TRAF3: variants seen among roughly 807,000 people sequenced by gnomAD.
The protein encoded by TRAF3 is TNF receptor associated factor 3.
TRAF3 carries 13 observed loss-of-function variants against 62.3 expected under a neutral mutation model. The ratio of observed to expected loss-of-function variants is 0.21; its 90% CI spans 0.14 to 0.33. TRAF3 has a LOEUF of 0.33. Ranked by LOEUF, TRAF3 falls within the 10% of genes least tolerant of loss-of-function variation. The pLI, the probability that TRAF3 is intolerant of heterozygous loss-of-function variation, is 1.00. For missense variants in TRAF3, 440 were observed against 741.8 expected, an observed-to-expected ratio of 0.59 and a Z score of 4.73; for synonymous variants, 269 against 283.4, an observed-to-expected ratio of 0.95 and a Z score of 0.51.
At position 102,826,968 on chromosome 14, in the gene TRAF3, G is replaced by T. The variant is rs1186605956; in HGVS notation, c.-156-3366G>T. ...GTCCCAGACATAGGCTCTGTCAGTG[G>T]TGGTGGCGGTGGCTGTACCTGCTCC... On this transcript the variant is annotated intron_variant, in intron 1 of 11. Coordinates refer to ENST00000392745, the MANE Select transcript of TRAF3 (RefSeq NM_145725.3). The surrounding 1 kb of genome is among the most constrained non-coding windows in gnomAD (Gnocchi z 4.6). Among the ~76,000 whole-genome samples the T allele has an allele frequency of 1.3e-5, 2 of 152,186 alleles. No individual in the cohort carries two copies. The highest frequency in any genetic ancestry group is 2.9e-5 in the Non-Finnish European group (2 of 68,028).
At chr14:102,882,411 T>C (rs1889120344) in intron 6 of TRAF3, among the ~76,000 whole-genome samples, 1 of 152,118 alleles carries the variant, frequency 6.6e-6, no homozygotes, top group Admixed American at 6.5e-5. Flanking sequence ...GCACGCGTGT[T>C]TGGGGTCCTG....
chr14:102,863,403 G>A (rs1887792744), intron 2 of TRAF3, among the ~76,000 whole-genome samples: 1 of 152,198 alleles, frequency 6.6e-6, no homozygotes, highest in African/African-American at 2.4e-5. Context: ...ATTAGACAGA[G>A]ATTTAAGCGC....
intron 2 of TRAF3, chr14:102,865,927 G>A (rs1310802734): frequency 6.6e-6 from 1 of 152,224 alleles, no homozygotes; most frequent in Admixed American, 6.5e-5. Flanking sequence ...CCTGCACAAG[G>A]ATGACATGCA....
chr14:102,866,850 A>AACACACACACACAC (rs538121314), intron 2 of TRAF3, among the ~76,000 whole-genome samples: 2 of 132,226 alleles, frequency 1.5e-5, no homozygotes, highest in East Asian at 2.1e-4. Context: ...ATCTCTTGAA[A>AACACACACACACAC]ACACACACAC....
chr14:102,849,991 T>C (rs1441124678), intron 2 of TRAF3, among the ~76,000 whole-genome samples: 1 of 152,190 alleles, frequency 6.6e-6, no homozygotes, highest in Non-Finnish European at 1.5e-5. Flanking sequence ...TATCTGATGC[T>C]TCCCTTTTTT....
Position 102,801,321 on chromosome 14 carries a change from TTATATAA to T in TRAF3, c.-157+23661_-157+23667del, listed in dbSNP as rs1043437517. ...TACTGCCTCAGACTTCCCTGGAGTG[TTATATAA>T]TATATAATATATAAAATATGCGTAC... On this transcript the variant is annotated intron_variant, in intron 1 of 11. Coordinates refer to ENST00000392745, the MANE Select transcript of TRAF3 (RefSeq NM_145725.3). Among the ~76,000 whole-genome samples the T allele has an allele frequency of 2.1e-4, 32 of 152,206 alleles. 3 individuals are homozygous for T. Among genetic ancestry groups the T allele is most frequent in the African/African-American group, 6.3e-4 (26 of 41,554 alleles).
At chr14:102,857,147 A>G (rs1206905534) in intron 2 of TRAF3, among the ~76,000 whole-genome samples, 1 of 152,238 alleles carries the variant, frequency 6.6e-6, no homozygotes, top group Non-Finnish European at 1.5e-5. Flanking sequence ...GTATGTGCCC[A>G]GAATTAGAAT....
At chr14:102,792,879 T>C (rs1186839960) in intron 1 of TRAF3, among the ~76,000 whole-genome samples, 1 of 152,078 alleles carries the variant, frequency 6.6e-6, no homozygotes, top group African/African-American at 2.4e-5. Context: ...TCTTCCTTTG[T>C]CACCCAGGCT....
rs1447746454 is a variant in TRAF3 at position 102,876,338 on chromosome 14, TTGAA to T, written c.403-17_403-14del. 6.2e-7 allele frequency: 1 copy of T among 1,613,694 alleles called. No individual in the cohort carries two copies. Among genetic ancestry groups the T allele is most frequent in the African/African-American group, 1.3e-5 (1 of 74,930 alleles). On this transcript the variant is annotated splice_polypyrimidine_tract_variant and intron_variant, in intron 5 of 11. Coordinates refer to ENST00000392745, the MANE Select transcript of TRAF3 (RefSeq NM_145725.3). ...AGGGTTTTTTTCCCAATTAAGAACA[TTGAA>T]TGGTCTGTCTTACAGGTGCATTTAA... is the stretch of plus-strand genomic sequence containing the variant.
intron 1 of TRAF3, among the ~76,000 whole-genome samples, chr14:102,802,468 A>G (rs1428511349): frequency 6.7e-6 from 1 of 149,134 alleles, no homozygotes; most frequent in Non-Finnish European, 1.5e-5. Context: ...GTTTAAAGAC[A>G]TTTCAAGCCA....
Position 102,902,997 on chromosome 14 carries a change from G to A in TRAF3, c.961-258G>A, listed in dbSNP as rs968312703. On this transcript the variant is annotated intron_variant, in intron 10 of 11. Coordinates refer to ENST00000392745, the MANE Select transcript of TRAF3 (RefSeq NM_145725.3). The stretch of plus-strand genomic sequence containing the variant: ...TCTGTTGACAAAGCAAGCTGACTTA[G>A]TGGAGCCTCCTGTTGTTTTCTTCCA... The A allele has an allele frequency of 1.9e-5, 10 of 536,346 alleles. No individual in the cohort carries two copies. The African/African-American group carries it at 1.9e-4, about 10-fold the overall frequency. The allele number at this position is 536,346 out of a possible 1,614,324, so 33.2% of individuals were successfully genotyped here.
intron 2 of TRAF3, among the ~76,000 whole-genome samples, chr14:102,857,334 T>C (rs1353622818): frequency 6.6e-6 from 1 of 152,236 alleles, no homozygotes; most frequent in Admixed American, 6.5e-5. Context: ...AAACATAATT[T>C]ATTTTCTCTC....
chr14:102,783,252 C>T (rs1897339416), intron 1 of TRAF3, among the ~76,000 whole-genome samples: 1 of 152,106 alleles, frequency 6.6e-6, no homozygotes, highest in African/African-American at 2.4e-5. Flanking sequence ...ACGGTGTGTT[C>T]CTGGAGGTCA....
rs916288245 is a variant in TRAF3, at chr14:102,781,792, A to ATT, written c.-157+4134_-157+4135dup. Among the ~76,000 whole-genome samples the ATT allele has an allele frequency of 8.5e-3, 951 of 111,244 alleles. 20 individuals are homozygous for ATT. Among genetic ancestry groups the ATT allele is most frequent in the African/African-American group, 0.028 (804 of 28,978 alleles). The allele number at this position is 111,244 out of a possible 152,430, so 73.0% of individuals were successfully genotyped here. On this transcript the variant is annotated intron_variant, in intron 1 of 11. Coordinates refer to ENST00000392745, the MANE Select transcript of TRAF3 (RefSeq NM_145725.3). ...CAGGCGCCTGCCACCACGCTTGGCT[A>ATT]TTTTTTTTTTTTTTTTTTGAGACAG... is the stretch of plus-strand genomic sequence containing the variant.
At chr14:102,858,154 CTT>C (rs59845933) in intron 2 of TRAF3, among the ~76,000 whole-genome samples, 10 of 145,590 alleles carry the variant, frequency 6.9e-5, no homozygotes, top group Admixed American at 1.4e-4. Flanking sequence ...CTCTGTTCTT[CTT>C]TTTTTTTTTT....
At chr14:102,885,749 A>G (rs150994513) in intron 6 of TRAF3, among the ~76,000 whole-genome samples, 1 of 152,182 alleles carries the variant, frequency 6.6e-6, no homozygotes, top group Non-Finnish European at 1.5e-5. Context: ...GGCCAAGGGA[A>G]ACCCTCCGTC....
At chr14:102,814,038 G>C (rs956004826) in intron 1 of TRAF3, among the ~76,000 whole-genome samples, 1 of 152,102 alleles carries the variant, frequency 6.6e-6, no homozygotes, top group Non-Finnish European at 1.5e-5. Flanking sequence ...TTTATCATTT[G>C]GGTCTTATAT....
chr14:102,898,834 T>C (rs985820648), intron 10 of TRAF3, among the ~76,000 whole-genome samples: 1 of 152,202 alleles, frequency 6.6e-6, no homozygotes, highest in Admixed American at 6.5e-5. Context: ...CTTGAAAACT[T>C]TTGTGATTGG....
intron 2 of TRAF3, among the ~76,000 whole-genome samples, chr14:102,845,421 T>C (rs1228043661): frequency 2.0e-5 from 3 of 151,836 alleles, no homozygotes; most frequent in Non-Finnish European, 2.9e-5. Flanking sequence ...CAGGCTGGTC[T>C]CGAACTCCTG....
Sources: gnomAD v4.1 joint callset for allele counts (sites outside exome capture counted in the v4.1 genomes callset) on GRCh38, gnomAD v4.1.1 for gene constraint, Gnocchi (gnomAD v3.1) non-coding constraint, MANE v1.5 for transcripts, NCBI Gene and HGNC (gene_info 2026-07-23, HGNC 2026-07-21) for gene names.